The following WNT3 variants were observed in gnomAD, a reference collection of about 807,000 sequenced individuals.
WNT3 encodes the protein proto-oncogene Wnt-3.
In WNT3, 7 loss-of-function variants were observed where a neutral mutation model predicts 34.2. That is an observed-to-expected ratio of 0.20 (90% CI 0.12 to 0.38). The LOEUF (loss-of-function observed/expected upper bound fraction) is 0.38, where lower values mean the gene tolerates loss of function less well. Among genes scored for constraint, WNT3 ranks in the 10% least tolerant of loss-of-function variants. WNT3 has a pLI of 1.00. For missense variants in WNT3, 267 were observed against 499.8 expected (o/e 0.53, Z 4.44); for synonymous variants, 212 against 211.5 (o/e 1.00, Z -0.02).
At chr17:46,774,081 G>A (rs1184883955) in intron 1 of WNT3, among the ~76,000 whole-genome samples, 172 bp from the exon 2 acceptor site, 1 of 152,244 alleles carries the variant, frequency 6.6e-6, no homozygotes, top group Non-Finnish European at 1.5e-5. Context: ...TCAAAGCGCA[G>A]AGCTCTGACC....
At chr17:46,816,868 G>A (rs2146476749) in intron 1 of WNT3, among the ~76,000 whole-genome samples, 1 of 152,328 alleles carries the variant, frequency 6.6e-6, no homozygotes, top group South Asian at 2.1e-4. Context: ...CCGGGAATGG[G>A]AAGAGGGTCA....
Position 46,768,889 on chromosome 17 carries a change from C to T in WNT3, c.589-90G>A, listed in dbSNP as rs1414943424. On this transcript the variant is annotated intron_variant, in intron 3 of 4. Coordinates refer to ENST00000225512, the MANE Select transcript of WNT3 (RefSeq NM_030753.5). This position sits in a 1 kb window ranked among gnomAD's most constrained non-coding sequence, Gnocchi z 5.0. ...CCTCTCTGCCACTGCCCACCCCCTT[C>T]CCTCCAGCCTTCTCTACTCCTCTGT... 2.6e-6 allele frequency: 4 copies of T among 1,542,058 alleles called. No individual in the cohort carries two copies. Among genetic ancestry groups the T allele is most frequent in the Non-Finnish European group, 3.5e-6 (4 of 1,146,094 alleles).
At chr17:46,810,255 G>A (rs1160029853) in intron 1 of WNT3, among the ~76,000 whole-genome samples, 7 of 152,000 alleles carry the variant, frequency 4.6e-5, no homozygotes, top group Non-Finnish European at 1.0e-4. Context: ...TGATCCACCC[G>A]CCTCGGCCTC....
chr17:46,806,537 G>A (rs2084199985), intron 1 of WNT3, among the ~76,000 whole-genome samples: 1 of 152,106 alleles, frequency 6.6e-6, no homozygotes, highest in Admixed American at 6.6e-5. Flanking sequence ...AGGTAACATG[G>A]GGATGAAGAG....
At chr17:46,809,848 C>A (rs1269436668) in intron 1 of WNT3, among the ~76,000 whole-genome samples, 1 of 152,156 alleles carries the variant, frequency 6.6e-6, no homozygotes, top group Non-Finnish European at 1.5e-5. Flanking sequence ...AGGACCCCTA[C>A]AGGAAGGAGC....
At chr17:46,782,726 T>C (rs2059472440) in intron 1 of WNT3, among the ~76,000 whole-genome samples, 1 of 152,204 alleles carries the variant, frequency 6.6e-6, no homozygotes, top group Non-Finnish European at 1.5e-5. Context: ...ATCACTGCTG[T>C]GGATGAGGGA....
chr17:46,770,136 G>T, intron 2 of WNT3, 88 bp from the exon 3 acceptor site: 1 of 1,446,780 alleles, frequency 6.9e-7, no homozygotes, highest in Non-Finnish European at 9.1e-7. Context: ...GACGTGAGGG[G>T]AACGAGGCCA....
intron 1 of WNT3, among the ~76,000 whole-genome samples, chr17:46,790,052 C>T (rs377001441): frequency 6.6e-5 from 10 of 152,092 alleles, no homozygotes; most frequent in South Asian, 4.1e-4. Context: ...AAGTTCAAAG[C>T]GCTGGCTGCC....
chr17:46,781,528 C>G (rs1298528823), intron 1 of WNT3, among the ~76,000 whole-genome samples: 1 of 152,146 alleles, frequency 6.6e-6, no homozygotes, highest in Non-Finnish European at 1.5e-5. Flanking sequence ...ATTCCACTTA[C>G]ATGAGGTGTC....
rs1329560557 is a variant in WNT3 at position 46,763,842 on chromosome 17, A to C, written c.*788T>G. 6.7e-6 allele frequency: 1 copy of C among 148,504 alleles called. No homozygotes were observed. Among genetic ancestry groups the C allele is most frequent in the African/African-American group, 2.6e-5 (1 of 38,756 alleles). 9.2% of individuals were successfully genotyped at this position (148,504 alleles called of 1,614,324 possible). ...AGGTCCACTACCACCAAAAAAAAAA[A>C]AAAACAAAAAAACAAAAAAAAAACT... On this transcript the variant is annotated 3_prime_UTR_variant, in exon 5 of 5. Coordinates refer to ENST00000225512, the MANE Select transcript of WNT3 (RefSeq NM_030753.5).
Position 46,773,756 on chromosome 17 carries a change from C to T in WNT3, c.234G>A (p.Gln78=). ...SVAEGVKLGI[Q]ECQHQFRGRR... The stretch of plus-strand genomic sequence containing the variant: ...GGCCCCGGAACTGGTGCTGGCACTC[C>T]TGGATGCCCAGCTTCACGCCCTCGG... Residue 78 remains glutamine, a synonymous_variant, in exon 2 of 5, where the codon CAG becomes CAA. Transcript: ENST00000225512. The T allele has an allele frequency of 1.9e-6, 3 of 1,613,242 alleles. No individual in the cohort carries two copies. Among genetic ancestry groups the T allele is most frequent in the East Asian group, 2.2e-5 (1 of 44,868 alleles).
rs1240376838 is a variant in WNT3, at chr17:46,768,492, G to A, written c.896C>T (p.Thr299Ile). ...GATGCCGTGGGAGGTGACATTGCAA[G>A]TCCGGTCCCTTGTGCCAAAGGAACC... ...ETGSFGTRDR[T>I]CNVTSHGIDG... is the part of the protein sequence containing the mutation. The change falls in exon 4 of 5, where the codon ACT (threonine) becomes ATT (isoleucine). Residue 299 changes from threonine to isoleucine, a missense_variant. By Grantham distance (89) the Thr-to-Ile change is moderately conservative. Transcript: ENST00000225512. The surrounding 1 kb of genome is among the most constrained non-coding windows in gnomAD (Gnocchi z 5.0). 4 of 1,614,082 alleles carry A rather than the reference G, an allele frequency of 2.5e-6. No individual in the cohort carries two copies. Among genetic ancestry groups the A allele is most frequent in the Non-Finnish European group, 3.4e-6 (4 of 1,180,058 alleles).
chr17:46,808,384 G>A (rs1180196733), intron 1 of WNT3, among the ~76,000 whole-genome samples: 4 of 152,232 alleles, frequency 2.6e-5, no homozygotes, highest in Non-Finnish European at 5.9e-5. Flanking sequence ...TGAGTGGAAG[G>A]TCAAGTGTAA....
At chr17:46,782,874 G>A (rs2059473774) in intron 1 of WNT3, among the ~76,000 whole-genome samples, 1 of 152,226 alleles carries the variant, frequency 6.6e-6, no homozygotes, top group Non-Finnish European at 1.5e-5. Flanking sequence ...TGCGGGTACT[G>A]AGCACAGGTC....
Position 46,764,231 on chromosome 17 carries a change from C to G in WNT3, c.*399G>C, listed in dbSNP as rs914730220. Reference sequence around the variant, plus strand: ...CAGAAGCAGCAGTTTGGAAACAGAACCTTGCCCATGCTGATGTCTTGACTG... The same window carrying G: ...CAGAAGCAGCAGTTTGGAAACAGAAGCTTGCCCATGCTGATGTCTTGACTG... On this transcript the variant is annotated 3_prime_UTR_variant, in exon 5 of 5. Coordinates refer to ENST00000225512, the MANE Select transcript of WNT3 (RefSeq NM_030753.5). The G allele has an allele frequency of 6.6e-6, 1 of 152,634 alleles. No homozygotes were observed. The highest frequency in any genetic ancestry group is 1.5e-5 in the Non-Finnish European group (1 of 68,054). The allele number at this position is 152,634 out of a possible 1,614,324, so 9.5% of individuals were successfully genotyped here. A position where few individuals can be genotyped will look rare whatever the true frequency, so the allele number is the denominator to read the frequency against.
chr17:46,799,310 G>A (rs1236480943), intron 1 of WNT3, among the ~76,000 whole-genome samples: 1 of 152,168 alleles, frequency 6.6e-6, no homozygotes, highest in Non-Finnish European at 1.5e-5. Context: ...AGCCTTTTCT[G>A]TTTTGGAAGG....
intron 4 of WNT3, among the ~76,000 whole-genome samples, chr17:46,766,648 GC>G (rs2078627911): frequency 6.6e-6 from 1 of 152,126 alleles, no homozygotes; most frequent in African/African-American, 2.4e-5. Context: ...TCCTAGATGG[GC>G]TGAGTGAGTC....
intron 1 of WNT3, among the ~76,000 whole-genome samples, chr17:46,791,182 A>G (rs1419887225): frequency 6.7e-6 from 1 of 148,970 alleles, no homozygotes; most frequent in Non-Finnish European, 1.5e-5. Flanking sequence ...CTGCAGCTAC[A>G]TTTCCCCCCA....
At chr17:46,767,779 T>TG (rs1555681899) in intron 4 of WNT3, among the ~76,000 whole-genome samples, 5 of 152,040 alleles carry the variant, frequency 3.3e-5, no homozygotes, top group African/African-American at 7.3e-5. Context: ...TTTTGTTTTT[T>TG]TTTGTTTGTT....
Sources: gnomAD v4.1 joint callset for allele counts (sites outside exome capture counted in the v4.1 genomes callset) on GRCh38, gnomAD v4.1.1 for gene constraint, Gnocchi (gnomAD v3.1) non-coding constraint, MANE v1.5 for transcripts, NCBI Gene and HGNC (gene_info 2026-07-23, HGNC 2026-07-21) for gene names.